Variants in PACRG observed in about 807,000 individuals in gnomAD.
The protein encoded by PACRG is parkin coregulated.
PACRG carries 29 observed loss-of-function variants against 29.7 expected under a neutral mutation model. The ratio of observed to expected loss-of-function variants is 0.98; its 90% CI spans 0.73 to 1.33. PACRG has a LOEUF of 1.33. Ranked by LOEUF, PACRG falls within the 40% of genes most tolerant of loss-of-function variation. The pLI, the probability that PACRG is intolerant of heterozygous loss-of-function variation, is 0.00. For missense variants in PACRG, 279 were observed against 316.2 expected (o/e 0.88, Z 0.89); for synonymous variants, 116 against 118.7 (o/e 0.98, Z 0.15).
At chr6:163,149,954 A>C (rs550699224) in intron 4 of PACRG, among the ~76,000 whole-genome samples, 72 of 152,318 alleles carry the variant, frequency 4.7e-4, no homozygotes, top group Non-Finnish European at 9.3e-4. Flanking sequence ...CACTCTCCGT[A>C]GTTCACACAA....
intron 2 of PACRG, among the ~76,000 whole-genome samples, chr6:162,854,707 T>G (rs937417925): frequency 2.6e-5 from 4 of 152,202 alleles, no homozygotes; most frequent in African/African-American, 9.6e-5. Flanking sequence ...CGGCTAGTTA[T>G]AAACCTTTCA....
At chr6:163,051,700 C>T (rs961338297) in intron 2 of PACRG, 19 of 152,182 alleles carry the variant, frequency 1.2e-4, no homozygotes, top group Admixed American at 1.1e-3. Context: ...CTCTGTTTTT[C>T]TGAAGACATT....
At chr6:163,230,980 AG>A (rs1452418778) in intron 4 of PACRG, among the ~76,000 whole-genome samples, 2 of 152,248 alleles carry the variant, frequency 1.3e-5, no homozygotes, top group Non-Finnish European at 2.9e-5. Flanking sequence ...GAGATGGCAG[AG>A]GAGAGAGGTC....
rs189344744 is a variant in PACRG, at chr6:162,790,210, C to T, written c.157-23937C>T. On this transcript the variant is annotated intron_variant, in intron 1 of 4. Transcript: ENST00000366888. ...TTGCATAATGTTGGCATGAATGCAG[C>T]GTGGCTGGATTGGCAGTTCTGTTAC... Among the ~76,000 whole-genome samples, 88 of 152,230 alleles carry T rather than the reference C, an allele frequency of 5.8e-4. No homozygotes were observed. The East Asian group carries it at 8.5e-3, about 15-fold the overall frequency.
At chr6:162,850,143 T>C (rs1790736388) in intron 2 of PACRG, among the ~76,000 whole-genome samples, 1 of 152,142 alleles carries the variant, frequency 6.6e-6, no homozygotes. Context: ...ATCAAGTGCA[T>C]GGTCTATGAT....
chr6:163,163,161 G>A (rs140766078), intron 4 of PACRG, among the ~76,000 whole-genome samples: 3 of 152,290 alleles, frequency 2.0e-5, no homozygotes, highest in South Asian at 4.2e-4. Flanking sequence ...GTACACCACC[G>A]GGGATGTGGC....
intron 4 of PACRG, among the ~76,000 whole-genome samples, chr6:163,197,429 CTTTTCTTTTTTTTTT>C (rs1780506095): frequency 7.9e-6 from 1 of 125,984 alleles, no homozygotes; most frequent in African/African-American, 3.1e-5. Flanking sequence ...ATTTTCTTTT[CTTTTCTTTTTTTTTT>C]TTTTTTTTTT....
At chr6:163,116,575 G>A (rs557807585) in intron 4 of PACRG, among the ~76,000 whole-genome samples, 36 of 151,976 alleles carry the variant, frequency 2.4e-4, no homozygotes, top group African/African-American at 8.7e-4. Context: ...AGCAGTCCAG[G>A]TATGACGGAA....
At chr6:162,787,492 ATATATGTATATGGCTATTGTGTGTG>A (rs1784549831) in intron 1 of PACRG, among the ~76,000 whole-genome samples, 1 of 148,236 alleles carries the variant, frequency 6.7e-6, no homozygotes, top group Non-Finnish European at 1.5e-5. Context: ...TATATGGTAT[ATATATGTATATGGCTATTGTGTGTG>A]TATATGTGTG....
At chr6:162,796,022 G>C (rs922554102) in intron 1 of PACRG, among the ~76,000 whole-genome samples, 2 of 152,086 alleles carry the variant, frequency 1.3e-5, no homozygotes, top group Non-Finnish European at 2.9e-5. Flanking sequence ...AAGACTTACT[G>C]TTTTATCTCA....
At chr6:163,231,758 A>C (rs1195029834) in intron 4 of PACRG, among the ~76,000 whole-genome samples, 1 of 152,086 alleles carries the variant, frequency 6.6e-6, no homozygotes, top group Non-Finnish European at 1.5e-5. Context: ...ATAGTTTCAG[A>C]ATCACTCTCA....
chr6:162,887,448 C>T (rs1309392532), intron 2 of PACRG, among the ~76,000 whole-genome samples: 1 of 152,148 alleles, frequency 6.6e-6, no homozygotes, highest in Non-Finnish European at 1.5e-5. Flanking sequence ...TACAGCTCTG[C>T]ACAGATGGGC....
chr6:163,250,885 A>G lies in PACRG; in HGVS notation c.614-63942A>G, dbSNP rs527919333. On this transcript the variant is annotated intron_variant, in intron 4 of 4. Coordinates refer to ENST00000366888, the MANE Select transcript of PACRG (RefSeq NM_001080379.2). ...AATGAGTGGATAAAGAAATTGTTGT[A>G]TATATATATATATATATATATACAC... Among the ~76,000 whole-genome samples, 49 of 139,494 alleles carry G rather than the reference A, an allele frequency of 3.5e-4. No individual in the cohort carries two copies. The South Asian group carries it at 5.4e-3, about 15-fold the overall frequency. 91.5% of individuals were successfully genotyped at this position (139,494 alleles called of 152,430 possible).
rs560636468 is a variant in PACRG, at chr6:162,746,862, C to T, written c.156+18471C>T. ...AGGTAATTAATTGACTAGGATCTTG[C>T]AGATATATAAAAGGACCCTTCTCTG... On this transcript the variant is annotated intron_variant, in intron 1 of 4. Transcript: ENST00000366888. 1.1e-4 allele frequency among the ~76,000 whole-genome samples: 17 copies of T among 152,254 alleles called. No homozygotes were observed. The South Asian group carries it at 3.3e-3, about 30-fold the overall frequency.
intron 4 of PACRG, among the ~76,000 whole-genome samples, chr6:163,261,425 C>A (rs1211511909): frequency 6.6e-6 from 1 of 152,106 alleles, no homozygotes. Context: ...CCCCCACCCC[C>A]TGAGGTGCTG....
At chr6:163,269,411 G>A (rs1783650440) in intron 4 of PACRG, among the ~76,000 whole-genome samples, 1 of 152,208 alleles carries the variant, frequency 6.6e-6, no homozygotes, top group Admixed American at 6.5e-5. Flanking sequence ...TCTTCTGGTT[G>A]ACAGGTTCTG....
At chr6:162,880,853 G>A (rs1244989319) in intron 2 of PACRG, among the ~76,000 whole-genome samples, 1 of 152,172 alleles carries the variant, frequency 6.6e-6, no homozygotes, top group East Asian at 1.9e-4. Context: ...AGGCTACATT[G>A]CACACCAGCC....
chr6:162,935,539 T>A (rs1038683730), intron 2 of PACRG, among the ~76,000 whole-genome samples: 1 of 151,960 alleles, frequency 6.6e-6, no homozygotes, highest in African/African-American at 2.4e-5. Context: ...AGTTACAAGA[T>A]TTTTGTTTGG....
chr6:163,188,021 C>T (rs761504258), intron 4 of PACRG, among the ~76,000 whole-genome samples: 2 of 152,202 alleles, frequency 1.3e-5, no homozygotes, highest in Non-Finnish European at 2.9e-5. Flanking sequence ...GAGCATATCT[C>T]TTTGAAACAC....
Sources: gnomAD v4.1 joint callset for allele counts (sites outside exome capture counted in the v4.1 genomes callset) on GRCh38, gnomAD v4.1.1 for gene constraint, MANE v1.5 for transcripts, NCBI Gene and HGNC (gene_info 2026-07-23, HGNC 2026-07-21) for gene names.